ABI3BP: variants seen among roughly 807,000 people sequenced by gnomAD.
ABI3BP encodes the protein target of Nesh-SH3.
Under a neutral mutation model 268.6 loss-of-function variants are expected in ABI3BP, and 216 were observed. The ratio of observed to expected loss-of-function variants is 0.80; its 90% CI spans 0.72 to 0.90. The LOEUF is 0.90. Ranked by LOEUF, ABI3BP falls within the 40% of genes least tolerant of loss-of-function variation. ABI3BP has a pLI of 0.00. For missense variants in ABI3BP, 2,090 were observed against 2,182.4 expected (o/e 0.96, Z 0.84); for synonymous variants, 730 against 730.0 (o/e 1.00, Z 0.00).
intron 14 of ABI3BP, among the ~76,000 whole-genome samples, chr3:100,856,019 T>C (rs2098935645): frequency 6.6e-6 from 1 of 152,232 alleles, no homozygotes; most frequent in East Asian, 1.9e-4. Flanking sequence ...ACAGTGAATC[T>C]ACAAAACATC....
chr3:100,982,461 A>G lies in ABI3BP; in HGVS notation c.79+10845T>C, dbSNP rs141820514. 7.5e-3 allele frequency among the ~76,000 whole-genome samples: 1,136 copies of G among 151,862 alleles called. 11 individuals carry two copies. The highest frequency in any genetic ancestry group is 0.025 in the African/African-American group (1,039 of 41,432). ...TCCTTTTGTTAGAGAAAAAAACCCT[A>G]ATGTTCAGAAAGGTGAAGCATTAGG... is the stretch of plus-strand genomic sequence containing the variant. On this transcript the variant is annotated intron_variant, in intron 1 of 67. Transcript: ENST00000471714.
At chr3:100,858,577 GT>G (rs1163887351) in intron 14 of ABI3BP, among the ~76,000 whole-genome samples, 1 of 152,206 alleles carries the variant, frequency 6.6e-6, no homozygotes, top group African/African-American at 2.4e-5. Context: ...TACAGAATAT[GT>G]TGAAAACAGA....
chr3:100,844,838 T>G (rs1340239751), intron 20 of ABI3BP, among the ~76,000 whole-genome samples: 1 of 152,172 alleles, frequency 6.6e-6, no homozygotes, highest in Non-Finnish European at 1.5e-5. Flanking sequence ...GTAAACACAT[T>G]AGCCTCCAAG....
chr3:100,908,121 A>C lies in ABI3BP; in HGVS notation c.260-5435T>G, dbSNP rs532928372. On this transcript the variant is annotated intron_variant, in intron 2 of 67. Coordinates refer to ENST00000471714, the MANE Select transcript of ABI3BP (RefSeq NM_001375547.2). ...ACAGAGCAAAGACTCTGTCTAAAAA[A>C]AAAAAAAAGAAAAAAGAAAAAAAAG... Among the ~76,000 whole-genome samples, 29 of 152,024 alleles carry C rather than the reference A, an allele frequency of 1.9e-4. 1 individual carries two copies. The highest frequency in any genetic ancestry group is 1.6e-3 in the Admixed American group (25 of 15,286).
In ABI3BP at chr3:100,876,509, T is replaced by A. The variant is rs1181751317; in HGVS notation, c.745+3A>T. The A allele has an allele frequency of 6.2e-7, 1 of 1,612,168 alleles. No homozygotes were observed. The highest frequency in any genetic ancestry group is 1.3e-5 in the African/African-American group (1 of 74,794). ...AAACACATTTCCAGAGCAGACAAAT[T>A]ACCTTGCTTGATGATTGTTATTGGG... is the stretch of plus-strand genomic sequence containing the variant. On this transcript the variant is annotated splice_donor_region_variant and intron_variant, in intron 7 of 67. Coordinates refer to ENST00000471714, the MANE Select transcript of ABI3BP (RefSeq NM_001375547.2).
rs182701903 is a variant in ABI3BP at position 100,804,310 on chromosome 3, C to T, written c.3757+482G>A. Among the ~76,000 whole-genome samples the T allele has an allele frequency of 1.8e-3, 276 of 152,074 alleles. 2 individuals carry two copies. The highest frequency in any genetic ancestry group is 6.8e-3 in the Middle Eastern group (2 of 294). ...GTGTGTGTGAAAGAAATTTCTTAAC[C>T]CAAGATATGTCTCCATCAATTTGTA... On this transcript the variant is annotated intron_variant, in intron 51 of 67. Coordinates refer to ENST00000471714, the MANE Select transcript of ABI3BP (RefSeq NM_001375547.2).
At chr3:100,936,943 G>A (rs77521753) in intron 1 of ABI3BP, among the ~76,000 whole-genome samples, 1 of 151,998 alleles carries the variant, frequency 6.6e-6, no homozygotes, top group African/African-American at 2.4e-5. Context: ...TGGATTCACT[G>A]AGATTTTGAA....
chr3:100,921,128 T>C (rs1212874227), intron 2 of ABI3BP, among the ~76,000 whole-genome samples: 1 of 152,208 alleles, frequency 6.6e-6, no homozygotes, highest in Non-Finnish European at 1.5e-5. Context: ...GAAATGAGTG[T>C]GAGGGTTAGC....
chr3:100,932,849 A>G (rs545553393), intron 1 of ABI3BP, among the ~76,000 whole-genome samples: 2 of 152,334 alleles, frequency 1.3e-5, no homozygotes, highest in Non-Finnish European at 1.5e-5. Context: ...ATTACTGGGT[A>G]TATACCCAAA....
intron 40 of ABI3BP, 93 bp from the exon 41 acceptor site, chr3:100,818,674 G>T: frequency 1.9e-6 from 2 of 1,027,050 alleles, no homozygotes; most frequent in South Asian, 1.6e-5. Flanking sequence ...GCAATTTTAA[G>T]AAATTTTCTG....
At chr3:100,980,706 A>T (rs998863137) in intron 1 of ABI3BP, among the ~76,000 whole-genome samples, 3 of 152,230 alleles carry the variant, frequency 2.0e-5, no homozygotes, top group Admixed American at 6.5e-5. Flanking sequence ...AGAGGTTTAT[A>T]TGTTGAAATA....
Position 100,813,650 on chromosome 3 carries a change from A to C in ABI3BP, c.3364+11T>G, listed in dbSNP as rs1163655813. Reference sequence around the variant, plus strand: ...CACAGTATACCCAGACAGATAAAACAATCTATTTACCAGGTTGACTTTCTG... The same window carrying C: ...CACAGTATACCCAGACAGATAAAACCATCTATTTACCAGGTTGACTTTCTG... On this transcript the variant is annotated intron_variant, in intron 45 of 67. Transcript: ENST00000471714. 3.3e-6 allele frequency: 5 copies of C among 1,530,250 alleles called. No individual in the cohort carries two copies. The highest frequency in any genetic ancestry group is 3.5e-6 in the Non-Finnish European group (4 of 1,141,786). 94.8% of individuals were successfully genotyped at this position (1,530,250 alleles called of 1,614,324 possible). A position where few individuals can be genotyped will look rare whatever the true frequency, so the allele number is the denominator to read the frequency against.
intron 62 of ABI3BP, among the ~76,000 whole-genome samples, chr3:100,768,434 T>C (rs1286834718): frequency 1.3e-5 from 2 of 152,294 alleles, no homozygotes; most frequent in Non-Finnish European, 2.9e-5. Flanking sequence ...TTATGGAAGA[T>C]CAGAATTCTC....
intron 1 of ABI3BP, among the ~76,000 whole-genome samples, chr3:100,971,313 C>T (rs1043597977): frequency 6.6e-6 from 1 of 152,176 alleles, no homozygotes; most frequent in African/African-American, 2.4e-5. Context: ...TGGTTGAAAT[C>T]TTCCCATTAG....
At chr3:100,940,815 T>TAC (rs2068751013) in intron 1 of ABI3BP, among the ~76,000 whole-genome samples, 1 of 76,162 alleles carries the variant, frequency 1.3e-5, no homozygotes, top group Non-Finnish European at 2.6e-5. Flanking sequence ...TATATATATA[T>TAC]ATATATATAT....
Position 100,916,700 on chromosome 3 carries a change from A to G in ABI3BP, c.259+9602T>C, listed in dbSNP as rs147563044. ...ATAAGAAGTGCCACTCCAGCATTTG[A>G]CCATCTATGTGCCCAGCCTGGAGAA... On this transcript the variant is annotated intron_variant, in intron 2 of 67. Coordinates refer to ENST00000471714, the MANE Select transcript of ABI3BP (RefSeq NM_001375547.2). 3.1e-3 allele frequency among the ~76,000 whole-genome samples: 476 copies of G among 152,322 alleles called. 9 individuals carry two copies. Among genetic ancestry groups the G allele is most frequent in the Non-Finnish European group, 1.9e-3 (131 of 68,034 alleles).
chr3:100,770,212 A>G (rs1201537383), intron 62 of ABI3BP, among the ~76,000 whole-genome samples: 3 of 152,134 alleles, frequency 2.0e-5, no homozygotes, highest in Admixed American at 1.3e-4. Context: ...ACAAATTCAG[A>G]GTGTCTTGGG....
At chr3:100,955,000 T>TTTTC (rs1405142027) in intron 1 of ABI3BP, among the ~76,000 whole-genome samples, 5 of 108,214 alleles carry the variant, frequency 4.6e-5, no homozygotes, top group Non-Finnish European at 7.4e-5. Flanking sequence ...TTTTTTTTTT[T>TTTTC]ACGAATCATA....
At chr3:100,872,521 G>C (rs1224524279) in intron 9 of ABI3BP, among the ~76,000 whole-genome samples, 1 of 152,176 alleles carries the variant, frequency 6.6e-6, no homozygotes. Context: ...CTCATTTTCA[G>C]TCCCCTTCAC....
Sources: gnomAD v4.1 joint callset for allele counts (sites outside exome capture counted in the v4.1 genomes callset) on GRCh38, gnomAD v4.1.1 for gene constraint, MANE v1.5 for transcripts, NCBI Gene and HGNC (gene_info 2026-07-23, HGNC 2026-07-21) for gene names.